The following HACD1 variants were observed in gnomAD, a reference collection of about 807,000 sequenced individuals.
The protein encoded by HACD1 is very-long-chain (3R)-3-hydroxyacyl-CoA dehydratase 1.
HACD1 carries 41 observed loss-of-function variants against 32.0 expected under a neutral mutation model. That is an observed-to-expected ratio of 1.28 (90% CI 1.00 to 1.66). HACD1 has a LOEUF of 1.66. Among genes scored for constraint, HACD1 ranks in the 40% most tolerant of loss-of-function variants. The pLI, the probability that HACD1 is intolerant of heterozygous loss-of-function variation, is 0.00. For synonymous variants in HACD1, 142 were observed against 139.0 expected (o/e 1.02, Z -0.15); for missense variants, 396 against 380.1 (o/e 1.04, Z -0.35).
chr10:17,598,071 G>A (rs1228569606), intron 5 of HACD1, among the ~76,000 whole-genome samples: 2 of 151,624 alleles, frequency 1.3e-5, no homozygotes, highest in African/African-American at 4.8e-5. Flanking sequence ...ACCAGCCTGG[G>A]CAACATGGTA....
At chr10:17,593,444 T>C (rs1461559178) in intron 6 of HACD1, among the ~76,000 whole-genome samples, 2 of 152,086 alleles carry the variant, frequency 1.3e-5, no homozygotes, top group African/African-American at 4.8e-5. Flanking sequence ...GCCTCCTGAG[T>C]AGCTGAGATT....
intron 1 of HACD1, among the ~76,000 whole-genome samples, chr10:17,604,497 A>G (rs918602853): frequency 2.0e-5 from 3 of 151,768 alleles, no homozygotes; most frequent in African/African-American, 4.8e-5. Flanking sequence ...AAAAAAAAAA[A>G]AAAGAAATGT....
chr10:17,600,316 C>T (rs554802288), intron 4 of HACD1, among the ~76,000 whole-genome samples: 1 of 152,274 alleles, frequency 6.6e-6, no homozygotes, highest in Admixed American at 6.5e-5. Flanking sequence ...TTGCTCACCA[C>T]CTTTATTTAT....
At chr10:17,610,570 G>T (rs1834218524) in intron 1 of HACD1, among the ~76,000 whole-genome samples, 1 of 151,740 alleles carries the variant, frequency 6.6e-6, no homozygotes, top group African/African-American at 2.4e-5. Flanking sequence ...GATCACTTGA[G>T]CCTGGGAGGC....
intron 6 of HACD1, among the ~76,000 whole-genome samples, chr10:17,592,449 G>T (rs1588982425): frequency 6.6e-6 from 1 of 152,084 alleles, no homozygotes; most frequent in African/African-American, 2.4e-5. Context: ...AATGCAGGGG[G>T]AGGAGGGAAT....
At chr10:17,613,451 C>G (rs1036338836) in intron 1 of HACD1, among the ~76,000 whole-genome samples, 1 of 152,140 alleles carries the variant, frequency 6.6e-6, no homozygotes, top group Non-Finnish European at 1.5e-5. Context: ...CCACTATTCC[C>G]CAACAGCACC....
At chr10:17,615,128 C>G (rs1222394912) in intron 1 of HACD1, among the ~76,000 whole-genome samples, 1 of 152,230 alleles carries the variant, frequency 6.6e-6, no homozygotes, top group East Asian at 1.9e-4. Flanking sequence ...AAGGCAGCAT[C>G]ATTTCGTGAT....
intron 5 of HACD1, 70 bp from the exon 6 acceptor site, chr10:17,594,453 T>C (rs1238791689): frequency 1.7e-5 from 20 of 1,189,128 alleles, no homozygotes; most frequent in Non-Finnish European, 2.1e-5. Context: ...GCAGGTCTAT[T>C]GCTACTACTA....
rs183584482 is a variant in HACD1, at chr10:17,590,246, T to C, written c.*118A>G. On this transcript the variant is annotated 3_prime_UTR_variant, in exon 7 of 7. Transcript: ENST00000361271. Reference sequence around the variant, plus strand: ...GGCAAATACCACGTGTCTCAAGTTATATTTTAAGAAACCATACAATCCATG... The same window carrying C: ...GGCAAATACCACGTGTCTCAAGTTACATTTTAAGAAACCATACAATCCATG... 1.4e-4 allele frequency: 99 copies of C among 689,710 alleles called. No homozygotes were observed. The highest frequency in any genetic ancestry group is 2.9e-4 in the Admixed American group (10 of 34,606). 42.7% of individuals were successfully genotyped at this position (689,710 alleles called of 1,614,324 possible).
intron 1 of HACD1, among the ~76,000 whole-genome samples, chr10:17,616,244 AG>A (rs1564513406): frequency 9.9e-6 from 1 of 101,124 alleles, no homozygotes; most frequent in Non-Finnish European, 2.1e-5. Flanking sequence ...ACTCCAGCCA[AG>A]ACCGAGCGAG....
chr10:17,598,232 C>T (rs1473149558), intron 5 of HACD1, among the ~76,000 whole-genome samples: 1 of 135,046 alleles, frequency 7.4e-6, no homozygotes, highest in Non-Finnish European at 1.5e-5. Flanking sequence ...TATCCTCCAG[C>T]CTGGGTGACA....
At chr10:17,612,105 CAAAAAAAAAAAAA>C (rs34058469) in intron 1 of HACD1, among the ~76,000 whole-genome samples, 1 of 105,112 alleles carries the variant, frequency 9.5e-6, no homozygotes, top group Non-Finnish European at 1.9e-5. Context: ...AACTCCATCT[CAAAAAAAAAAAAA>C]AAAAAAAAAA....
chr10:17,593,314 C>T (rs1226112002), intron 6 of HACD1, among the ~76,000 whole-genome samples: 25 of 118,992 alleles, frequency 2.1e-4, no homozygotes, highest in Admixed American at 7.2e-4. Flanking sequence ...ACTATTAGCC[C>T]CCACGCCTTT....
Position 17,617,235 on chromosome 10 carries a change from C to T in HACD1, c.105G>A (p.Arg35=). ...CGCTGGACGCCATGGTGGCCGCGCA[C>T]CTGGGGGACGTGGGAGACAGCGGCA... ...TLLPLSPTSP[R]CAATMASSDE... The change falls in exon 1 of 7, where the codon AGG becomes AGA. Residue 35 remains arginine (R), a synonymous_variant. Coordinates refer to ENST00000361271, the MANE Select transcript of HACD1 (RefSeq NM_014241.4). The T allele has an allele frequency of 6.7e-7, 1 of 1,487,200 alleles. No homozygotes were observed. Among genetic ancestry groups the T allele is most frequent in the Non-Finnish European group, 8.9e-7 (1 of 1,123,914 alleles). 92.1% of individuals were successfully genotyped at this position (1,487,200 alleles called of 1,614,324 possible). A position where few individuals can be genotyped will look rare whatever the true frequency, so the allele number is the denominator to read the frequency against.
chr10:17,593,261 A>T (rs1833952202), intron 6 of HACD1, among the ~76,000 whole-genome samples: 1 of 151,874 alleles, frequency 6.6e-6, no homozygotes, highest in Admixed American at 6.6e-5. Flanking sequence ...TATCATGTCG[A>T]TGTAGATTTT....
intron 1 of HACD1, among the ~76,000 whole-genome samples, chr10:17,614,022 T>C (rs1422248454): frequency 2.0e-5 from 3 of 151,948 alleles, no homozygotes; most frequent in African/African-American, 7.3e-5. Context: ...TGGCAGGGAG[T>C]CACTGAAGTC....
chr10:17,613,681 AG>A (rs1211887470), intron 1 of HACD1, among the ~76,000 whole-genome samples: 1 of 152,228 alleles, frequency 6.6e-6, no homozygotes. Context: ...TAGAGGCAGA[AG>A]GAGACAAGTT....
chr10:17,614,711 A>C (rs1833046938), intron 1 of HACD1, among the ~76,000 whole-genome samples: 1 of 5,810 alleles, frequency 1.7e-4, no homozygotes, highest in Non-Finnish European at 3.0e-4. Flanking sequence ...GGCTTAACAA[A>C]AGAAAAAAAA....
intron 1 of HACD1, among the ~76,000 whole-genome samples, chr10:17,611,149 C>T (rs1007867446): frequency 1.3e-4 from 20 of 152,030 alleles, no homozygotes; most frequent in Non-Finnish European, 2.8e-4. Context: ...TACAGGTGCA[C>T]GCCACCACAC....
Sources: gnomAD v4.1 joint callset for allele counts (sites outside exome capture counted in the v4.1 genomes callset) on GRCh38, gnomAD v4.1.1 for gene constraint, MANE v1.5 for transcripts, NCBI Gene and HGNC (gene_info 2026-07-23, HGNC 2026-07-21) for gene names.